Variants in PLCB1 observed in about 807,000 individuals in gnomAD.
PLCB1 encodes phospholipase C beta 1, also known as 1-phosphatidylinositol 4,5-bisphosphate phosphodiesterase beta-1.
PLCB1 carries 46 observed loss-of-function variants against 161.8 expected under a neutral mutation model. The ratio of observed to expected loss-of-function variants is 0.28; its 90% confidence interval spans 0.22 to 0.36. The LOEUF (loss-of-function observed/expected upper bound fraction) is 0.36, where lower values mean the gene tolerates loss of function less well. Among genes scored for constraint, PLCB1 ranks in the 10% least tolerant of loss-of-function variants. The probability of loss-of-function intolerance (pLI) is 1.00; values close to 1 mark genes in which losing one functional copy is unlikely to be tolerated. For missense variants in PLCB1, 1,016 were observed against 1,472.5 expected (o/e 0.69, Z 5.07); for synonymous variants, 517 against 503.7 (o/e 1.03, Z -0.35).
At chr20:8,238,537 G>A (rs1426714507) in intron 2 of PLCB1, among the ~76,000 whole-genome samples, 2 of 151,746 alleles carry the variant, frequency 1.3e-5, no homozygotes, top group African/African-American at 4.8e-5. Flanking sequence ...TACTAGATGA[G>A]GTCTCTCAGA....
chr20:8,263,039 A>G (rs1408394830), intron 2 of PLCB1, among the ~76,000 whole-genome samples: 8 of 152,206 alleles, frequency 5.3e-5, no homozygotes, highest in African/African-American at 1.9e-4. Context: ...GGAACACATA[A>G]ACATTCCTAA....
intron 18 of PLCB1, 147 bp downstream of exon 18, chr20:8,729,321 A>G (rs778983283): frequency 5.4e-6 from 3 of 550,548 alleles, no homozygotes; most frequent in Non-Finnish European, 8.8e-6. Context: ...ATATCAATGC[A>G]TAAAAAAAGT....
intron 3 of PLCB1, among the ~76,000 whole-genome samples, chr20:8,401,812 G>C (rs1978564576): frequency 6.6e-6 from 1 of 152,168 alleles, no homozygotes; most frequent in East Asian, 1.9e-4. Flanking sequence ...CCATGTCCAA[G>C]TCACATGGCC....
chr20:8,374,552 G>A (rs1386925275), intron 3 of PLCB1, among the ~76,000 whole-genome samples: 1 of 152,176 alleles, frequency 6.6e-6, no homozygotes, highest in African/African-American at 2.4e-5. Flanking sequence ...TGGCCCAAAA[G>A]AGAGACTAGC....
intron 4 of PLCB1, among the ~76,000 whole-genome samples, chr20:8,630,035 C>T (rs1410803999): frequency 1.9e-5 from 2 of 107,796 alleles, no homozygotes; most frequent in South Asian, 5.6e-4. Context: ...TTTCTTTCCT[C>T]TCTTCTTTCC....
intron 3 of PLCB1, among the ~76,000 whole-genome samples, chr20:8,553,224 A>T (rs1462462546): frequency 6.6e-6 from 1 of 152,206 alleles, no homozygotes; most frequent in East Asian, 1.9e-4. Context: ...CACTCTTGCA[A>T]GTGTGAAAAG....
chr20:8,527,285 C>A (rs926720149), intron 3 of PLCB1, among the ~76,000 whole-genome samples: 2 of 152,024 alleles, frequency 1.3e-5, no homozygotes, highest in Admixed American at 1.3e-4. Context: ...CAAATGGTGA[C>A]CATTATTTTT....
chr20:8,165,425 G>A (rs1297602307), intron 2 of PLCB1, among the ~76,000 whole-genome samples: 1 of 152,140 alleles, frequency 6.6e-6, no homozygotes, highest in Admixed American at 6.5e-5. Context: ...TGGAGAGGGT[G>A]ATTTTTACCC....
chr20:8,367,658 A>G (rs1202534351), intron 2 of PLCB1, among the ~76,000 whole-genome samples: 1 of 152,246 alleles, frequency 6.6e-6, no homozygotes, highest in Non-Finnish European at 1.5e-5. Flanking sequence ...GTAAAGAAAT[A>G]ATGAATTCCA....
intron 4 of PLCB1, among the ~76,000 whole-genome samples, chr20:8,633,101 TACACACAC>T (rs58802999): frequency 0.13 from 18,144 of 142,190 alleles, 1,342 homozygotes; most frequent in East Asian, 0.28. Flanking sequence ...TGCATGTATG[TACACACAC>T]ACACACACAC....
At chr20:8,329,480 A>G (rs1161028583) in intron 2 of PLCB1, among the ~76,000 whole-genome samples, 1 of 151,570 alleles carries the variant, frequency 6.6e-6, no homozygotes, top group Non-Finnish European at 1.5e-5. Context: ...CACCACATCT[A>G]CAGCTGTTTG....
chr20:8,750,732 T>A (rs1271855034), intron 23 of PLCB1: 1 of 604,276 alleles, frequency 1.7e-6, no homozygotes, highest in African/African-American at 1.9e-5. Flanking sequence ...TGCTCATGTT[T>A]GAAGAAGCTC....
intron 3 of PLCB1, among the ~76,000 whole-genome samples, chr20:8,512,843 C>G (rs1047776230): frequency 2.0e-5 from 3 of 152,058 alleles, no homozygotes; most frequent in Non-Finnish European, 4.4e-5. Context: ...TTGAACTATA[C>G]GTTATTATTA....
intron 14 of PLCB1, among the ~76,000 whole-genome samples, chr20:8,718,428 T>C (rs1269700043): frequency 6.6e-6 from 1 of 152,196 alleles, no homozygotes; most frequent in African/African-American, 2.4e-5. Flanking sequence ...GCTGTGTTCC[T>C]TCCTGGAGGC....
chr20:8,776,040 A>G (rs1982928160), intron 27 of PLCB1, among the ~76,000 whole-genome samples: 1 of 152,218 alleles, frequency 6.6e-6, no homozygotes, highest in African/African-American at 2.4e-5. Context: ...TTAACGGGCA[A>G]TAATGGCTTT....
intron 31 of PLCB1, among the ~76,000 whole-genome samples, chr20:8,822,045 C>T (rs796714238): frequency 0.025 from 3,663 of 146,394 alleles, 141 homozygotes; most frequent in African/African-American, 0.087. Flanking sequence ...TTTTTTTTTT[C>T]TTTTAATGTG....
chr20:8,328,272 C>T (rs899015113), intron 2 of PLCB1, among the ~76,000 whole-genome samples: 1 of 151,834 alleles, frequency 6.6e-6, no homozygotes, highest in Non-Finnish European at 1.5e-5. Context: ...ATATTTTGTT[C>T]ACCAAATCTT....
chr20:8,864,558 CAATG>C (rs1258321094), intron 31 of PLCB1, among the ~76,000 whole-genome samples: 1 of 152,074 alleles, frequency 6.6e-6, no homozygotes, highest in Non-Finnish European at 1.5e-5. Flanking sequence ...ATGAATAAAT[CAATG>C]AATGTGTGAG....
intron 31 of PLCB1, among the ~76,000 whole-genome samples, chr20:8,824,668 A>C (rs144896189): frequency 1.8e-4 from 27 of 152,340 alleles, no homozygotes; most frequent in African/African-American, 6.0e-4. Flanking sequence ...GAGGCTTAGC[A>C]GTACAATGAG....
Sources: allele counts gnomAD v4.1 joint callset (sites outside exome capture counted in the v4.1 genomes callset), GRCh38; gene constraint gnomAD v4.1.1; transcripts MANE v1.5; gene names NCBI Gene and HGNC (gene_info 2026-07-23, HGNC 2026-07-21).